Variants in ATP8A1 observed in about 807,000 individuals in gnomAD.
The protein encoded by ATP8A1 is ATPase phospholipid transporting 8A1, also known as phospholipid-transporting ATPase IA.
A neutral mutation model predicts 177.7 loss-of-function variants in ATP8A1; 90 were observed. The ratio of observed to expected loss-of-function variants is 0.51; its 90% CI spans 0.43 to 0.60. The LOEUF (loss-of-function observed/expected upper bound fraction) is 0.60. Among genes scored for constraint, ATP8A1 ranks in the 20% least tolerant of loss-of-function variants. The pLI is 0.00. For missense variants in ATP8A1, 1,072 were observed against 1,392.8 expected, an observed-to-expected ratio of 0.77 and a Z score of 3.67; for synonymous variants, 493 against 485.9, an observed-to-expected ratio of 1.01 and a Z score of -0.19.
At chr4:42,556,187 C>T in intron 15 of ATP8A1, 147 bp from the exon 16 acceptor site, 2 of 472,114 alleles carry the variant, frequency 4.2e-6, no homozygotes, top group Non-Finnish European at 7.6e-6. Flanking sequence ...AGTAAGACAT[C>T]ACAGATTTCA....
chr4:42,635,778 C>CATATATATAGAT (rs1279984098), intron 1 of ATP8A1, among the ~76,000 whole-genome samples: 1 of 33,662 alleles, frequency 3.0e-5, no homozygotes, highest in Non-Finnish European at 6.3e-5. Flanking sequence ...CACACACACA[C>CATATATATAGAT]ACACATATAT....
At chr4:42,494,669 T>C (rs1391060126) in intron 24 of ATP8A1, among the ~76,000 whole-genome samples, 1 of 152,230 alleles carries the variant, frequency 6.6e-6, no homozygotes, top group East Asian at 1.9e-4. Context: ...CAAATATTTA[T>C]ATAACTAACC....
chr4:42,600,575 T>C (rs1735147785), intron 5 of ATP8A1, 57 bp from the exon 6 acceptor site: 18 of 1,501,254 alleles, frequency 1.2e-5, no homozygotes, highest in Non-Finnish European at 1.5e-5. Flanking sequence ...AAAGGCCATT[T>C]CTGATGAAAT....
intron 20 of ATP8A1, among the ~76,000 whole-genome samples, chr4:42,528,557 T>C (rs1208018283): frequency 1.3e-5 from 2 of 152,016 alleles, no homozygotes; most frequent in Admixed American, 1.3e-4. Flanking sequence ...TGCTTGAGCA[T>C]ATTAACACAT....
intron 33 of ATP8A1, among the ~76,000 whole-genome samples, chr4:42,433,573 A>G (rs1715554915): frequency 6.6e-6 from 1 of 152,206 alleles, no homozygotes; most frequent in Non-Finnish European, 1.5e-5. Flanking sequence ...TATGTTTACA[A>G]TTATTCTCAG....
chr4:42,532,323 T>C (rs1409970442), intron 20 of ATP8A1, among the ~76,000 whole-genome samples: 1 of 151,630 alleles, frequency 6.6e-6, no homozygotes, highest in Non-Finnish European at 1.5e-5. Flanking sequence ...TGTCTCTACA[T>C]AAAATACAAA....
chr4:42,472,555 G>A (rs142044830), intron 25 of ATP8A1, among the ~76,000 whole-genome samples: 58 of 151,966 alleles, frequency 3.8e-4, no homozygotes, highest in African/African-American at 1.2e-3. Flanking sequence ...AAGACCAGTC[G>A]GGCCAACATA....
chr4:42,613,870 C>T (rs558144558), intron 5 of ATP8A1, among the ~76,000 whole-genome samples: 23 of 148,980 alleles, frequency 1.5e-4, no homozygotes, highest in Non-Finnish European at 2.1e-4. Flanking sequence ...AGGCATGAGC[C>T]GCCCCGCCTG....
chr4:42,582,559 C>CA (rs1351187503), intron 9 of ATP8A1, among the ~76,000 whole-genome samples: 2 of 136,358 alleles, frequency 1.5e-5, no homozygotes, highest in Non-Finnish European at 1.5e-5. Context: ...AATAAAGGTG[C>CA]AAAAAAATTC....
rs745724860 is a variant in ATP8A1 at position 42,574,654 on chromosome 4, C to T, written c.1260G>A (p.Gln420=). ...KTGTLTCNVM[Q]FKKCTIAGVA... is the part of the protein sequence containing the mutation. ...CTCCCGCTATGGTGCACTTCTTAAA[C>T]TGCATTACATTGCATGTCAGAGTAC... Residue 420 remains glutamine (Q), a synonymous_variant, in exon 14 of 37, where the codon CAG becomes CAA. Coordinates refer to ENST00000381668, the MANE Select transcript of ATP8A1 (RefSeq NM_006095.2). 1 of 1,609,532 alleles carries T rather than the reference C, an allele frequency of 6.2e-7. No individual in the cohort carries two copies. The highest frequency in any genetic ancestry group is 1.7e-5 in the Admixed American group (1 of 58,878).
At chr4:42,446,192 G>C (rs6833339) in intron 31 of ATP8A1, among the ~76,000 whole-genome samples, 52,706 of 150,820 alleles carry the variant, frequency 0.35, 9,450 homozygotes, top group Middle Eastern at 0.5. Context: ...CATGACATAC[G>C]CTCTGATCTA....
chr4:42,446,103 A>AAAAAAAAAAAAAAAAAG, intron 31 of ATP8A1, among the ~76,000 whole-genome samples: 1 of 107,880 alleles, frequency 9.3e-6, no homozygotes, highest in Admixed American at 8.8e-5. Context: ...AAAAAAAGAG[A>AAAAAAAAAAAAAAAAAG]AGAGATATAG....
Position 42,581,333 on chromosome 4 carries a change from C to T in ATP8A1, c.834+288G>A, listed in dbSNP as rs186767608. Among the ~76,000 whole-genome samples, 85 of 152,256 alleles carry T rather than the reference C, an allele frequency of 5.6e-4. 1 individual carries two copies. Among genetic ancestry groups the T allele is most frequent in the Admixed American group, 2.0e-3 (31 of 15,292 alleles). ...TATTTTCAGTAGAGACGGGCTTTCACCGTGTTAGCCAGCATGATCTTGATC... is the reference window on the plus strand; with the variant it reads ...TATTTTCAGTAGAGACGGGCTTTCATCGTGTTAGCCAGCATGATCTTGATC... On this transcript the variant is annotated intron_variant, in intron 10 of 36. Coordinates refer to ENST00000381668, the MANE Select transcript of ATP8A1 (RefSeq NM_006095.2).
At chr4:42,463,966 T>G (rs1341626345) in intron 27 of ATP8A1, among the ~76,000 whole-genome samples, 2 of 152,184 alleles carry the variant, frequency 1.3e-5, no homozygotes, top group Non-Finnish European at 2.9e-5. Context: ...TGCACTTCTT[T>G]GTCTCCTCCC....
At chr4:42,482,317 AC>A (rs2153188434) in intron 25 of ATP8A1, among the ~76,000 whole-genome samples, 1 of 75,344 alleles carries the variant, frequency 1.3e-5, no homozygotes, top group East Asian at 4.3e-4. Context: ...AAACAAAAAA[AC>A]AAACAAACAA....
intron 35 of ATP8A1, among the ~76,000 whole-genome samples, chr4:42,418,974 T>TA (rs1302516726): frequency 6.6e-6 from 1 of 152,218 alleles, no homozygotes; most frequent in Non-Finnish European, 1.5e-5. Flanking sequence ...TAGTCATACT[T>TA]ACTGAAGATT....
chr4:42,511,444 C>T (rs1724996821), intron 22 of ATP8A1, among the ~76,000 whole-genome samples: 1 of 152,090 alleles, frequency 6.6e-6, no homozygotes, highest in African/African-American at 2.4e-5. Context: ...AAAAAAACTC[C>T]AAACACTAAT....
At chr4:42,549,475 A>C (rs974813877) in intron 18 of ATP8A1, among the ~76,000 whole-genome samples, 2 of 152,130 alleles carry the variant, frequency 1.3e-5, no homozygotes, top group Non-Finnish European at 2.9e-5. Context: ...CAAACAGGTA[A>C]GAGATTTATC....
At chr4:42,452,792 T>G (rs1188599205) in intron 29 of ATP8A1, among the ~76,000 whole-genome samples, 1 of 152,244 alleles carries the variant, frequency 6.6e-6, no homozygotes, top group African/African-American at 2.4e-5. Flanking sequence ...AGAATTCTTA[T>G]GGCCCCTCTG....
Sources: gnomAD v4.1 joint callset for allele counts (sites outside exome capture counted in the v4.1 genomes callset) on GRCh38, gnomAD v4.1.1 for gene constraint, MANE v1.5 for transcripts, NCBI Gene and HGNC (gene_info 2026-07-23, HGNC 2026-07-21) for gene names.